Variants in LYPD6B observed in about 807,000 individuals in gnomAD.
The protein encoded by LYPD6B is ly6/PLAUR domain-containing protein 6B.
Under a neutral mutation model 22.8 loss-of-function variants are expected in LYPD6B, and 17 were observed. The ratio of observed to expected loss-of-function variants is 0.75; its 90% confidence interval spans 0.51 to 1.12. LYPD6B has a LOEUF of 1.12. Ranked by LOEUF, LYPD6B falls within the 50% of genes most tolerant of loss-of-function variation. The pLI, the probability that LYPD6B is intolerant of heterozygous loss-of-function variation, is 0.00. For missense variants in LYPD6B, 221 were observed against 258.3 expected, an observed-to-expected ratio of 0.86 and a Z score of 0.99; for synonymous variants, 106 against 91.6, an observed-to-expected ratio of 1.16 and a Z score of -0.90.
intron 1 of LYPD6B, among the ~76,000 whole-genome samples, chr2:149,116,970 C>T (rs1047320223): frequency 6.6e-6 from 1 of 152,104 alleles, no homozygotes; most frequent in Non-Finnish European, 1.5e-5. Flanking sequence ...TTTGCAGAAT[C>T]CCCGTCTTCC....
At chr2:149,152,564 G>A (rs1012843745) in intron 2 of LYPD6B, among the ~76,000 whole-genome samples, 4 of 152,300 alleles carry the variant, frequency 2.6e-5, no homozygotes, top group African/African-American at 7.2e-5. Flanking sequence ...GGGGCTGGGC[G>A]TTAAGGACAA....
Position 149,121,238 on chromosome 2 carries a change from A to G in LYPD6B, c.-66-9645A>G, listed in dbSNP as rs113481959. ...TGATACTAGTTTTCTTCATGAAGAT[A>G]GCTTTTTTATTTCCTAAGGTATTGT... On this transcript the variant is annotated intron_variant, in intron 1 of 6. Coordinates refer to ENST00000409642, the MANE Select transcript of LYPD6B (RefSeq NM_177964.5). 2.3e-3 allele frequency among the ~76,000 whole-genome samples: 355 copies of G among 152,330 alleles called. 2 individuals carry two copies. The highest frequency in any genetic ancestry group is 8.2e-3 in the African/African-American group (342 of 41,572).
At chr2:149,198,999 C>T (rs1692997573) in intron 3 of LYPD6B, among the ~76,000 whole-genome samples, 1 of 152,168 alleles carries the variant, frequency 6.6e-6, no homozygotes, top group Non-Finnish European at 1.5e-5. Flanking sequence ...GTGCACAGAA[C>T]TCAATCCTGT....
intron 1 of LYPD6B, among the ~76,000 whole-genome samples, chr2:149,063,841 C>T (rs1211313282): frequency 1.3e-5 from 2 of 151,952 alleles, no homozygotes; most frequent in Admixed American, 1.3e-4. Context: ...AAAGAAGCAA[C>T]TAGCAAGGAA....
chr2:149,043,742 A>G (rs1261784734), intron 1 of LYPD6B, among the ~76,000 whole-genome samples: 2 of 152,118 alleles, frequency 1.3e-5, no homozygotes, highest in Admixed American at 1.3e-4. Context: ...ATTTTCTTCT[A>G]GAAGTTTCAT....
intron 1 of LYPD6B, among the ~76,000 whole-genome samples, chr2:149,120,383 A>AT (rs869074241): frequency 3.7e-4 from 18 of 48,616 alleles, no homozygotes; most frequent in East Asian, 1.5e-3. Context: ...ATATATATAT[A>AT]TTTTTTTTTT....
intron 1 of LYPD6B, among the ~76,000 whole-genome samples, chr2:149,092,493 T>C (rs1177018192): frequency 6.6e-6 from 1 of 152,044 alleles, no homozygotes. Flanking sequence ...GAGACAGAGA[T>C]TGTGAGTTGA....
intron 1 of LYPD6B, among the ~76,000 whole-genome samples, chr2:149,075,789 A>T (rs1684853839): frequency 6.6e-6 from 1 of 152,228 alleles, no homozygotes; most frequent in South Asian, 2.1e-4. Context: ...TCTGATCACT[A>T]AATGTCATAT....
At chr2:149,086,005 A>G (rs11900448) in intron 1 of LYPD6B, among the ~76,000 whole-genome samples, 91,128 of 151,992 alleles carry the variant, frequency 0.6, 28,404 homozygotes, top group Admixed American at 0.69. Flanking sequence ...GGTGCATTAA[A>G]AACAACTCCA....
intron 1 of LYPD6B, among the ~76,000 whole-genome samples, chr2:149,090,479 C>T (rs1239043279): frequency 6.6e-6 from 1 of 152,088 alleles, no homozygotes; most frequent in Non-Finnish European, 1.5e-5. Flanking sequence ...AGAGAGAGGT[C>T]AGAGGTATTC....
intron 3 of LYPD6B, among the ~76,000 whole-genome samples, chr2:149,194,388 T>C (rs898236680): frequency 2.0e-5 from 3 of 152,320 alleles, no homozygotes; most frequent in Non-Finnish European, 2.9e-5. Context: ...GTTGGGGTCA[T>C]GGCAGAAACC....
chr2:149,064,965 C>A (rs963411069), intron 1 of LYPD6B, among the ~76,000 whole-genome samples: 1 of 152,156 alleles, frequency 6.6e-6, no homozygotes, highest in Non-Finnish European at 1.5e-5. Flanking sequence ...TTAGGCACTG[C>A]AGTCTATTAC....
intron 3 of LYPD6B, among the ~76,000 whole-genome samples, chr2:149,179,245 G>A (rs1364318012): frequency 3.9e-5 from 6 of 152,280 alleles, no homozygotes; most frequent in East Asian, 1.9e-4. Flanking sequence ...AGTCTTCAAC[G>A]TGAATTAGAA....
At chr2:149,162,870 C>G (rs906892251) in intron 3 of LYPD6B, among the ~76,000 whole-genome samples, 4 of 152,026 alleles carry the variant, frequency 2.6e-5, no homozygotes, top group Non-Finnish European at 5.9e-5. Flanking sequence ...GGTTAGAGAG[C>G]CTTAAGTCTA....
intron 3 of LYPD6B, among the ~76,000 whole-genome samples, chr2:149,174,580 G>A (rs1691118996): frequency 1.3e-5 from 2 of 152,080 alleles, no homozygotes; most frequent in South Asian, 4.1e-4. Context: ...TTTATTGAGA[G>A]TTTTTAACAT....
intron 2 of LYPD6B, among the ~76,000 whole-genome samples, chr2:149,133,760 T>C (rs545827730): frequency 1.3e-5 from 2 of 152,300 alleles, no homozygotes; most frequent in African/African-American, 4.8e-5. Flanking sequence ...CTTCATTCAG[T>C]GTACTTCAGT....
intron 1 of LYPD6B, among the ~76,000 whole-genome samples, chr2:149,064,849 A>G (rs1684251133): frequency 6.6e-6 from 1 of 152,244 alleles, no homozygotes; most frequent in African/African-American, 2.4e-5. Context: ...GAGGCCTCTC[A>G]GCCAGGTACC....
At chr2:149,153,730 G>A (rs1314549249) in intron 2 of LYPD6B, among the ~76,000 whole-genome samples, 3 of 151,910 alleles carry the variant, frequency 2.0e-5, no homozygotes, top group South Asian at 2.1e-4. Context: ...AGCCGAGATC[G>A]TGCCACTGCA....
At chr2:149,045,965 C>T (rs1029858866) in intron 1 of LYPD6B, among the ~76,000 whole-genome samples, 1 of 152,080 alleles carries the variant, frequency 6.6e-6, no homozygotes, top group African/African-American at 2.4e-5. Context: ...CTTGTTTTCT[C>T]TATAACCAAG....
Sources: gnomAD v4.1 joint callset for allele counts (sites outside exome capture counted in the v4.1 genomes callset) on GRCh38, gnomAD v4.1.1 for gene constraint, MANE v1.5 for transcripts, NCBI Gene and HGNC (gene_info 2026-07-23, HGNC 2026-07-21) for gene names.